PCDHAC2: variants seen among roughly 807,000 people sequenced by gnomAD.
PCDHAC2 encodes the protein protocadherin alpha-C2.
A neutral mutation model predicts 63.3 loss-of-function variants in PCDHAC2; 24 were observed. That is an observed-to-expected ratio of 0.38 (90% CI 0.27 to 0.53). The LOEUF (loss-of-function observed/expected upper bound fraction) is 0.53, where lower values mean the gene tolerates loss of function less well. Among genes scored for constraint, PCDHAC2 ranks in the 20% least tolerant of loss-of-function variants. PCDHAC2 has a pLI of 0.81. For missense variants in PCDHAC2, 1,181 were observed against 1,275.2 expected, an observed-to-expected ratio of 0.93 and a Z score of 1.12; for synonymous variants, 569 against 529.4, an observed-to-expected ratio of 1.07 and a Z score of -1.03.
rs2096097580 is a variant in PCDHAC2 at position 140,967,108 on chromosome 5, G to A, written c.342G>A (p.Arg114=). 6.2e-7 allele frequency: 1 copy of A among 1,612,960 alleles called. No individual in the cohort carries two copies. Among genetic ancestry groups the A allele is most frequent in the South Asian group, 1.1e-5 (1 of 91,056 alleles). The change falls in exon 1 of 4, where the codon CGG becomes CGA. Residue 114 remains arginine (R), a synonymous_variant. Coordinates refer to ENST00000289269, the MANE Select transcript of PCDHAC2 (RefSeq NM_018899.6). The part of the protein sequence containing the change: ...RIDREALCEQ[R]PRCLLSLEVL... ...ATCGGGAGGCGCTGTGTGAGCAGCG[G>A]CCTCGCTGCCTGCTCAGCTTGGAAG...
chr5:141,002,356 C>G (rs2098075572), intron 3 of PCDHAC2, among the ~76,000 whole-genome samples: 1 of 152,272 alleles, frequency 6.6e-6, no homozygotes, highest in Non-Finnish European at 1.5e-5. Flanking sequence ...CACCTCCACT[C>G]CTTTCAACTC....
At chr5:140,992,949 T>G (rs1554253294) in intron 3 of PCDHAC2, among the ~76,000 whole-genome samples, 1 of 152,162 alleles carries the variant, frequency 6.6e-6, no homozygotes, top group Admixed American at 6.5e-5. Context: ...GGAGATTAAA[T>G]CACCCCTTAT....
chr5:140,992,405 C>T (rs962261885), intron 3 of PCDHAC2, among the ~76,000 whole-genome samples: 1 of 152,152 alleles, frequency 6.6e-6, no homozygotes, highest in Non-Finnish European at 1.5e-5. Context: ...AGATATTGTT[C>T]TGCCCCAGGT....
At position 141,009,895 on chromosome 5, in the gene PCDHAC2, A is replaced by G; in HGVS notation, c.2982A>G (p.Lys994=). ...AGAAGGGTAACAAGACCCAGGAGAA[A>G]AAAGAGAAAGGGAACAGCACGACTG... ...KKKKGNKTQE[K]KEKGNSTTDN... The change falls in exon 4 of 4, where the codon AAA becomes AAG. Residue 994 remains lysine (K), a synonymous_variant. Coordinates refer to ENST00000289269, the MANE Select transcript of PCDHAC2 (RefSeq NM_018899.6). 2 of 1,613,224 alleles carry G rather than the reference A, an allele frequency of 1.2e-6. No homozygotes were observed. Among genetic ancestry groups the G allele is most frequent in the Non-Finnish European group, 1.7e-6 (2 of 1,179,866 alleles).
At chr5:141,005,796 AAC>A (rs2098240426) in intron 3 of PCDHAC2, among the ~76,000 whole-genome samples, 1 of 151,400 alleles carries the variant, frequency 6.6e-6, no homozygotes, top group Admixed American at 6.6e-5. Flanking sequence ...AGGCAAAAAC[AAC>A]TCCAAGGAGC....
At chr5:140,992,078 G>A (rs1179366244) in intron 3 of PCDHAC2, among the ~76,000 whole-genome samples, 1 of 151,596 alleles carries the variant, frequency 6.6e-6, no homozygotes, top group African/African-American at 2.4e-5. Context: ...TAGAGAATGA[G>A]CTAGAGTAGA....
intron 3 of PCDHAC2, among the ~76,000 whole-genome samples, chr5:140,995,889 A>G (rs1007675217): frequency 1.3e-5 from 2 of 152,202 alleles, no homozygotes; most frequent in African/African-American, 4.8e-5. Context: ...CTTCAGATTT[A>G]TCAATGTATA....
intron 1 of PCDHAC2, among the ~76,000 whole-genome samples, chr5:140,975,986 G>C (rs1554237183): frequency 6.6e-6 from 1 of 152,112 alleles, no homozygotes; most frequent in East Asian, 1.9e-4. Context: ...ATAGTCCTGG[G>C]AGGTACCATC....
chr5:140,969,704 T>A (rs1317094729), intron 1 of PCDHAC2, among the ~76,000 whole-genome samples: 2 of 152,172 alleles, frequency 1.3e-5, no homozygotes, highest in African/African-American at 4.8e-5. Context: ...TGCTGTATCA[T>A]CTACAGGGAA....
At chr5:140,977,126 T>C (rs782356713) in intron 1 of PCDHAC2, among the ~76,000 whole-genome samples, 27 of 152,240 alleles carry the variant, frequency 1.8e-4, no homozygotes, top group Admixed American at 4.6e-4. Context: ...GAACTGAGTT[T>C]CCTGGTCAGT....
rs1586289885 is a variant in PCDHAC2 at position 140,968,356 on chromosome 5, C to T, written c.1590C>T (p.Ser530=). ...TCTCCATTAACAGTGCCAGTGGCAG[C>T]CTTTATGCTGTCAACTCCTTTGACT... ...SYVSINSASG[S]LYAVNSFDYE... The change falls in exon 1 of 4, where the codon AGC becomes AGT. Residue 530 remains serine, a synonymous_variant. Coordinates refer to ENST00000289269, the MANE Select transcript of PCDHAC2 (RefSeq NM_018899.6). 1.2e-6 allele frequency: 2 copies of T among 1,614,062 alleles called. No individual in the cohort carries two copies. Among genetic ancestry groups the T allele is most frequent in the Non-Finnish European group, 1.7e-6 (2 of 1,180,022 alleles).
intron 3 of PCDHAC2, among the ~76,000 whole-genome samples, chr5:141,000,387 CTCTCTCTCTATATA>C (rs1446529556): frequency 4.5e-4 from 30 of 66,870 alleles, no homozygotes; most frequent in African/African-American, 1.4e-3. Flanking sequence ...CTCTCTCTCT[CTCTCTCTCTATATA>C]TATATATATA....
chr5:140,967,070 A>C lies in PCDHAC2; in HGVS notation c.304A>C (p.Asn102His), dbSNP rs781831975. The C allele has an allele frequency of 6.2e-7, 1 of 1,613,072 alleles. No homozygotes were observed. Among genetic ancestry groups the C allele is most frequent in the South Asian group, 1.1e-5 (1 of 91,056 alleles). ...CCTGACGAGTGGAGCGCTCTTCGTC[A>C]ACGAGCGCATTGATCGGGAGGCGCT... Reference protein sequence around the residue: ...LDLTSGALFVNERIDREALCE... With the variant: ...LDLTSGALFVHERIDREALCE... The change falls in exon 1 of 4, where the codon AAC (asparagine) becomes CAC (histidine). Residue 102 changes from asparagine (N) to histidine (H), a missense_variant. Coordinates refer to ENST00000289269, the MANE Select transcript of PCDHAC2 (RefSeq NM_018899.6).
chr5:140,982,265 G>A lies in PCDHAC2; in HGVS notation c.2625-210G>A, dbSNP rs2096974278. ...ATAAAGATAGAACATGTGTGTTCCT[G>A]GAATAGTATAGCAGGCAATAAGTAA... On this transcript the variant is annotated intron_variant, in intron 2 of 3. Transcript: ENST00000289269. 7 of 870,768 alleles carry A rather than the reference G, an allele frequency of 8.0e-6. No individual in the cohort carries two copies. In the Admixed American group the frequency reaches 1.6e-4, roughly 20 times the overall value. 53.9% of individuals were successfully genotyped at this position (870,768 alleles called of 1,614,324 possible).
At chr5:140,982,359 C>T in intron 2 of PCDHAC2, 116 bp from the exon 3 acceptor site, 1 of 1,523,712 alleles carries the variant, frequency 6.6e-7, no homozygotes. Context: ...CAAGCATGAG[C>T]AGAATGTGTT....
rs548122977 is a variant in PCDHAC2 at position 141,010,588 on chromosome 5, T to C, written c.*651T>C. ...AGGCTTTAGGAGACCCTAAAGTCTG[T>C]TGGCTGTGACGTCATTATACCTAAA... On this transcript the variant is annotated 3_prime_UTR_variant, in exon 4 of 4. Coordinates refer to ENST00000289269, the MANE Select transcript of PCDHAC2 (RefSeq NM_018899.6). 5 of 233,334 alleles carry C rather than the reference T, an allele frequency of 2.1e-5. No individual in the cohort carries two copies. In the East Asian group the frequency reaches 4.8e-4, roughly 22 times the overall value. 14.5% of individuals were successfully genotyped at this position (233,334 alleles called of 1,614,324 possible).
At chr5:140,989,363 T>A (rs2097339689) in intron 3 of PCDHAC2, among the ~76,000 whole-genome samples, 1 of 152,158 alleles carries the variant, frequency 6.6e-6, no homozygotes, top group Non-Finnish European at 1.5e-5. Flanking sequence ...GTCACCTGTG[T>A]GACTGAGAGC....
chr5:141,004,144 A>C (rs1451902723), intron 3 of PCDHAC2, among the ~76,000 whole-genome samples: 3 of 152,250 alleles, frequency 2.0e-5, no homozygotes, highest in Non-Finnish European at 2.9e-5. Context: ...CCCCAAAGGC[A>C]TGACATTTTA....
intron 1 of PCDHAC2, 34 bp from the exon 2 acceptor site, chr5:140,978,915 A>G: frequency 6.2e-7 from 1 of 1,613,970 alleles, no homozygotes; most frequent in Non-Finnish European, 8.5e-7. Context: ...TTGTCTTGTC[A>G]TTTTAACAGA....
Sources: allele counts gnomAD v4.1 joint callset (sites outside exome capture counted in the v4.1 genomes callset), GRCh38; gene constraint gnomAD v4.1.1; transcripts MANE v1.5; gene names NCBI Gene and HGNC (gene_info 2026-07-23, HGNC 2026-07-21).